TMEM131L: variants seen among roughly 807,000 people sequenced by gnomAD.
TMEM131L encodes the protein transmembrane protein 131-like.
In TMEM131L, 54 loss-of-function variants were observed where a neutral mutation model predicts 192.2. The ratio of observed to expected loss-of-function variants is 0.28; its 90% CI spans 0.23 to 0.35. TMEM131L has a LOEUF of 0.35. Among genes scored for constraint, TMEM131L ranks in the 10% least tolerant of loss-of-function variants. The pLI is 1.00. For synonymous variants in TMEM131L, 701 were observed against 704.9 expected, an observed-to-expected ratio of 0.99 and a Z score of 0.09; for missense variants, 1,888 against 1,972.9, an observed-to-expected ratio of 0.96 and a Z score of 0.82.
intron 3 of TMEM131L, among the ~76,000 whole-genome samples, chr4:153,483,604 G>T (rs1732099290): frequency 6.6e-6 from 1 of 152,184 alleles, no homozygotes; most frequent in African/African-American, 2.4e-5. Flanking sequence ...GCAGGCTGAG[G>T]CTCACTTGAG....
chr4:153,594,969 G>A (rs13147224), intron 19 of TMEM131L, among the ~76,000 whole-genome samples: 40,606 of 151,952 alleles, frequency 0.27, 5,756 homozygotes, highest in Non-Finnish European at 0.33. Flanking sequence ...AATAATGCCC[G>A]TTTATTTTAA....
chr4:153,588,653 G>A (rs572724059), intron 15 of TMEM131L, among the ~76,000 whole-genome samples: 70 of 151,994 alleles, frequency 4.6e-4, no homozygotes, highest in Non-Finnish European at 8.2e-4. Context: ...TGTCTTTTAC[G>A]TTATTACCTT....
chr4:153,581,749 G>A (rs1426147638), intron 9 of TMEM131L, among the ~76,000 whole-genome samples, 189 bp downstream of exon 9: 1 of 152,076 alleles, frequency 6.6e-6, no homozygotes, highest in African/African-American at 2.4e-5. Context: ...TTGGGGAGAA[G>A]TGACAACTGC....
Position 153,602,606 on chromosome 4 carries a change from C to A in TMEM131L, c.2518C>A (p.Leu840Ile), listed in dbSNP as rs751682948. The change falls in exon 23 of 35, where the codon CTA becomes ATA. Residue 840 changes from leucine (L) to isoleucine (I), a missense_variant. Transcript: ENST00000409959. ...CCTAAGTCTTGTAACCGCAGCGGAC[C>A]TAGAATTTCGCTTCACTCTCAATGT... ...RDLSLVTAAD[L>I]EFRFTLNVTL... 1 of 1,614,106 alleles carries A rather than the reference C, an allele frequency of 6.2e-7. No homozygotes were observed. The highest frequency in any genetic ancestry group is 1.1e-5 in the South Asian group (1 of 91,082).
At chr4:153,541,192 TGG>T (rs2089895022) in intron 3 of TMEM131L, among the ~76,000 whole-genome samples, 1 of 152,134 alleles carries the variant, frequency 6.6e-6, no homozygotes, top group African/African-American at 2.4e-5. Flanking sequence ...GGATGGGAGT[TGG>T]GGAAATGTGA....
At chr4:153,523,741 C>T (rs1455729513) in intron 3 of TMEM131L, among the ~76,000 whole-genome samples, 11 of 152,122 alleles carry the variant, frequency 7.2e-5, no homozygotes, top group Admixed American at 5.9e-4. Context: ...GAAAAGTCTG[C>T]GGTTAGTGTT....
At chr4:153,568,973 G>GGGTCTGAAGGACA (rs1289797404) in intron 7 of TMEM131L, among the ~76,000 whole-genome samples, 1 of 152,196 alleles carries the variant, frequency 6.6e-6, no homozygotes, top group Non-Finnish European at 1.5e-5. Context: ...GGGGAAGTTT[G>GGGTCTGAAGGACA]GGTCTGAAGG....
intron 3 of TMEM131L, among the ~76,000 whole-genome samples, chr4:153,482,917 G>C (rs1253122233): frequency 6.6e-6 from 1 of 151,996 alleles, no homozygotes; most frequent in Non-Finnish European, 1.5e-5. Flanking sequence ...GTTCCTCCTA[G>C]ATAACATGTT....
At chr4:153,624,517 AAAAG>A (rs1490376378) in intron 29 of TMEM131L, among the ~76,000 whole-genome samples, 2 of 152,258 alleles carry the variant, frequency 1.3e-5, no homozygotes, top group Non-Finnish European at 2.9e-5. Flanking sequence ...AACTTTAGTA[AAAAG>A]AAAGGGTGGT....
chr4:153,510,253 A>G (rs113212454), intron 3 of TMEM131L, among the ~76,000 whole-genome samples: 2,192 of 152,200 alleles, frequency 0.014, 50 homozygotes, highest in African/African-American at 0.05. Context: ...AAACCAGAGG[A>G]TGCACACTTG....
intron 3 of TMEM131L, among the ~76,000 whole-genome samples, chr4:153,499,952 A>AT (rs57387097): frequency 0.034 from 5,102 of 149,250 alleles, 290 homozygotes; most frequent in African/African-American, 0.11. Context: ...TTTTACCTAA[A>AT]TTTTTTTTTT....
intron 3 of TMEM131L, among the ~76,000 whole-genome samples, chr4:153,547,886 G>A (rs975942885): frequency 3.9e-5 from 6 of 152,224 alleles, no homozygotes; most frequent in Non-Finnish European, 8.8e-5. Flanking sequence ...CTGTTCATGT[G>A]GAGGTTGTGT....
chr4:153,558,502 G>T, intron 7 of TMEM131L, 134 bp downstream of exon 7: 1 of 484,530 alleles, frequency 2.1e-6, no homozygotes. Context: ...AATATCAGTG[G>T]ATTCCACCTA....
At chr4:153,622,351 G>T (rs1231167222) in intron 28 of TMEM131L, among the ~76,000 whole-genome samples, 2 of 152,122 alleles carry the variant, frequency 1.3e-5, no homozygotes, top group South Asian at 2.1e-4. Context: ...GGTGGGGGTT[G>T]CAACCCTCCC....
At chr4:153,490,859 C>T (rs1732724661) in intron 3 of TMEM131L, among the ~76,000 whole-genome samples, 1 of 148,404 alleles carries the variant, frequency 6.7e-6, no homozygotes, top group South Asian at 2.1e-4. Context: ...GAGGCTGAGG[C>T]AGGAGAATGG....
chr4:153,532,641 G>A (rs182428727), intron 3 of TMEM131L, among the ~76,000 whole-genome samples: 25 of 151,722 alleles, frequency 1.6e-4, no homozygotes, highest in Admixed American at 1.1e-3. Context: ...TGTACTTTTC[G>A]ACGGACACTT....
chr4:153,592,666 A>G, intron 18 of TMEM131L, 82 bp downstream of exon 18: 1 of 958,278 alleles, frequency 1.0e-6, no homozygotes, highest in Non-Finnish European at 1.7e-6. Context: ...CACTTTTTCA[A>G]CCAGGACCTG....
At chr4:153,568,879 A>G (rs1729400992) in intron 7 of TMEM131L, among the ~76,000 whole-genome samples, 1 of 152,198 alleles carries the variant, frequency 6.6e-6, no homozygotes, top group Non-Finnish European at 1.5e-5. Flanking sequence ...GATAAGACAT[A>G]TTCTCCTGTA....
At chr4:153,587,329 TA>T (rs112750223) in intron 14 of TMEM131L, among the ~76,000 whole-genome samples, 16,442 of 150,862 alleles carry the variant, frequency 0.11, 2,393 homozygotes, top group African/African-American at 0.34. Context: ...AGAGTTCAAT[TA>T]AAAAAAAACA....
Sources: gnomAD v4.1 joint callset for allele counts (sites outside exome capture counted in the v4.1 genomes callset) on GRCh38, gnomAD v4.1.1 for gene constraint, MANE v1.5 for transcripts, NCBI Gene and HGNC (gene_info 2026-07-23, HGNC 2026-07-21) for gene names.